The following NRG3 variants were observed in gnomAD, a reference collection of about 807,000 sequenced individuals.
The protein encoded by NRG3 is pro-neuregulin-3, membrane-bound isoform.
NRG3 carries 31 observed loss-of-function variants against 66.9 expected under a neutral mutation model. The ratio of observed to expected loss-of-function variants is 0.46; its 90% CI spans 0.35 to 0.63. The LOEUF (loss-of-function observed/expected upper bound fraction) is 0.63, where lower values mean the gene tolerates loss of function less well. Ranked by LOEUF, NRG3 falls within the 20% of genes least tolerant of loss-of-function variation. NRG3 has a pLI of 0.00. For missense variants in NRG3, 910 were observed against 878.9 expected (o/e 1.04, Z -0.45); for synonymous variants, 393 against 359.4 (o/e 1.09, Z -1.06).
At chr10:82,593,981 C>G (rs2133334689) in intron 2 of NRG3, among the ~76,000 whole-genome samples, 1 of 152,146 alleles carries the variant, frequency 6.6e-6, no homozygotes, top group African/African-American at 2.4e-5. Flanking sequence ...CTTTCTTTGA[C>G]TAGATGACTT....
intron 3 of NRG3, among the ~76,000 whole-genome samples, chr10:82,797,295 A>G (rs1457116708): frequency 6.6e-5 from 10 of 152,138 alleles, no homozygotes; most frequent in Admixed American, 6.5e-4. Flanking sequence ...TCTTTCAGTT[A>G]ACTTGGCCCA....
rs566481986 is a variant in NRG3 at position 82,793,748 on chromosome 10, G to C, written c.1027+55098G>C. Among the ~76,000 whole-genome samples the C allele has an allele frequency of 2.0e-5, 3 of 152,098 alleles. No individual in the cohort carries two copies. The South Asian group carries it at 6.2e-4, about 32-fold the overall frequency. ...AGATAGATGAGATTGTCTCTTCCTG[G>C]ATCAAAAGCATATGGGAAAACTGAT... On this transcript the variant is annotated intron_variant, in intron 3 of 8. Transcript: ENST00000372141.
At chr10:82,206,234 G>T (rs990834940) in intron 1 of NRG3, among the ~76,000 whole-genome samples, 8 of 152,096 alleles carry the variant, frequency 5.3e-5, no homozygotes, top group Admixed American at 5.2e-4. Flanking sequence ...TCTAAGAACA[G>T]GTTTAGAACA....
intron 2 of NRG3, among the ~76,000 whole-genome samples, chr10:82,677,645 T>C (rs925680664): frequency 6.6e-6 from 1 of 152,180 alleles, no homozygotes; most frequent in Non-Finnish European, 1.5e-5. Flanking sequence ...ATTGTATGCA[T>C]CTGCAATACT....
At chr10:82,901,628 C>G (rs1844230602) in intron 4 of NRG3, among the ~76,000 whole-genome samples, 1 of 152,172 alleles carries the variant, frequency 6.6e-6, no homozygotes. Flanking sequence ...AGCCAATAGC[C>G]AAGCGGCAGC....
At chr10:82,265,694 A>C (rs1589522718) in intron 1 of NRG3, among the ~76,000 whole-genome samples, 1 of 152,336 alleles carries the variant, frequency 6.6e-6, no homozygotes, top group East Asian at 1.9e-4. Context: ...TACTGACATC[A>C]CCAACAATTA....
At chr10:82,856,850 A>G (rs868337890) in intron 3 of NRG3, among the ~76,000 whole-genome samples, 1 of 152,160 alleles carries the variant, frequency 6.6e-6, no homozygotes, top group Middle Eastern at 3.4e-3. Flanking sequence ...ACATGAGAAG[A>G]TCCTGGGAGA....
At chr10:82,728,419 T>G (rs1306606893) in intron 2 of NRG3, among the ~76,000 whole-genome samples, 1 of 152,162 alleles carries the variant, frequency 6.6e-6, no homozygotes, top group Non-Finnish European at 1.5e-5. Context: ...TCTCACAAGA[T>G]CCGATGGTTT....
intron 2 of NRG3, among the ~76,000 whole-genome samples, chr10:82,401,500 G>A (rs2136057721): frequency 6.6e-6 from 1 of 152,090 alleles, no homozygotes; most frequent in South Asian, 2.1e-4. Context: ...AGGACAGCTT[G>A]GTATTTTGAA....
At chr10:82,494,963 CAG>C (rs1401894579) in intron 2 of NRG3, among the ~76,000 whole-genome samples, 4 of 151,032 alleles carry the variant, frequency 2.6e-5, no homozygotes, top group Non-Finnish European at 5.9e-5. Context: ...ATTTTTGAGA[CAG>C]TGTCTTGCTC....
At chr10:81,956,980 T>C (rs1460766972) in intron 1 of NRG3, among the ~76,000 whole-genome samples, 1 of 152,220 alleles carries the variant, frequency 6.6e-6, no homozygotes, top group African/African-American at 2.4e-5. Flanking sequence ...AATACATGCC[T>C]GTCTTCCATA....
intron 1 of NRG3, among the ~76,000 whole-genome samples, chr10:82,249,670 A>C (rs1022354498): frequency 6.6e-6 from 1 of 152,212 alleles, no homozygotes; most frequent in Non-Finnish European, 1.5e-5. Context: ...CACAACCCAC[A>C]CTTGCTTCTG....
intron 2 of NRG3, among the ~76,000 whole-genome samples, chr10:82,733,912 G>T (rs1295606843): frequency 6.6e-6 from 1 of 152,222 alleles, no homozygotes; most frequent in Admixed American, 6.5e-5. Context: ...AGATGGGAAT[G>T]CTCTGAAGTT....
intron 1 of NRG3, among the ~76,000 whole-genome samples, chr10:82,229,916 A>C (rs1019009212): frequency 6.6e-6 from 1 of 152,230 alleles, no homozygotes; most frequent in Non-Finnish European, 1.5e-5. Flanking sequence ...GCATGTGAAC[A>C]GTGAAAAAAT....
In NRG3 at chr10:82,985,145, T is replaced by C. The variant is rs1380733519; in HGVS notation, c.1631T>C (p.Met544Thr). The C allele has an allele frequency of 6.2e-7, 1 of 1,614,034 alleles. No individual in the cohort carries two copies. Reference protein sequence around the residue: ...LKTQRNTSINMQLPSRETNPY... With the variant: ...LKTQRNTSINTQLPSRETNPY... ...ACCCAACGAAATACATCAATAAATATGCAACTGCCTTCAAGAGAGACAAAC... is the reference window on the plus strand; with the variant it reads ...ACCCAACGAAATACATCAATAAATACGCAACTGCCTTCAAGAGAGACAAAC... Residue 544 changes from methionine (M) to threonine (T), a missense_variant, in exon 9 of 9, where the codon ATG becomes ACG. Physicochemically the swap from Met to Thr is moderately conservative, Grantham distance 81 (BLOSUM62 -1). Transcript: ENST00000372141.
chr10:82,450,510 T>C (rs1162814741), intron 2 of NRG3, among the ~76,000 whole-genome samples: 1 of 152,150 alleles, frequency 6.6e-6, no homozygotes, highest in Non-Finnish European at 1.5e-5. Context: ...ACTGCTCTTT[T>C]TGATGTTGTG....
chr10:82,435,477 G>T (rs1029502383), intron 2 of NRG3, among the ~76,000 whole-genome samples: 1 of 151,788 alleles, frequency 6.6e-6, no homozygotes, highest in African/African-American at 2.4e-5. Flanking sequence ...GTTATTCCTT[G>T]TCTTCTGCTG....
At chr10:82,630,868 A>G (rs2049779320) in intron 2 of NRG3, among the ~76,000 whole-genome samples, 1 of 152,110 alleles carries the variant, frequency 6.6e-6, no homozygotes, top group Admixed American at 6.5e-5. Flanking sequence ...GTTTGCTTTC[A>G]TTGTTTTTAC....
At chr10:82,110,427 G>T (rs1296300964) in intron 1 of NRG3, among the ~76,000 whole-genome samples, 1 of 152,068 alleles carries the variant, frequency 6.6e-6, no homozygotes, top group South Asian at 2.1e-4. Context: ...AGCCATTGGA[G>T]AATCTTATGA....
Sources: allele counts gnomAD v4.1 joint callset (sites outside exome capture counted in the v4.1 genomes callset), GRCh38; gene constraint gnomAD v4.1.1; transcripts MANE v1.5; gene names NCBI Gene and HGNC (gene_info 2026-07-23, HGNC 2026-07-21).